The following BMPR2 variants were observed in gnomAD, a reference collection of about 807,000 sequenced individuals.
BMPR2 encodes the protein bone morphogenetic protein receptor type 2, also known as bone morphogenetic protein receptor type-2.
BMPR2 carries 29 observed loss-of-function variants against 100.8 expected under a neutral mutation model. The observed-to-expected ratio is 0.29, with a 90% CI of 0.21 to 0.39. BMPR2 has a LOEUF of 0.39. Ranked by LOEUF, BMPR2 falls within the 10% of genes least tolerant of loss-of-function variation. The pLI, the probability that BMPR2 is intolerant of heterozygous loss-of-function variation, is 1.00. For synonymous variants in BMPR2, 382 were observed against 442.3 expected, an observed-to-expected ratio of 0.86 and a Z score of 1.71; for missense variants, 1,011 against 1,274.5, an observed-to-expected ratio of 0.79 and a Z score of 3.15.
intron 9 of BMPR2, among the ~76,000 whole-genome samples, chr2:202,535,895 C>T (rs1385116724): frequency 6.6e-6 from 1 of 152,208 alleles, no homozygotes. Context: ...CCGGCCTGGC[C>T]AACACAGCGA....
chr2:202,501,648 TC>T (rs1275253917), intron 3 of BMPR2, among the ~76,000 whole-genome samples: 5 of 152,146 alleles, frequency 3.3e-5, no homozygotes, highest in Non-Finnish European at 4.4e-5. Context: ...TCAGAGGCTA[TC>T]AAAATAATAC....
At chr2:202,556,671 G>C in intron 12 of BMPR2, 140 bp downstream of exon 12, 1 of 1,124,332 alleles carries the variant, frequency 8.9e-7, no homozygotes. Context: ...TTGAGGCGGG[G>C]CACAGTGGCT....
rs1387358420 is a variant in BMPR2 at position 202,447,581 on chromosome 2, G to A, written c.77-17228G>A. ...CTATAGTCCAGCTACTCGGGAGGCT[G>A]AGCTGGGAGGATCCCTTGAGCCCAT... is the stretch of plus-strand genomic sequence containing the variant. On this transcript the variant is annotated intron_variant, in intron 1 of 12. Transcript: ENST00000374580. Among the ~76,000 whole-genome samples, 7 of 150,480 alleles carry A rather than the reference G, an allele frequency of 4.7e-5. 1 individual carries two copies. The highest frequency in any genetic ancestry group is 1.8e-4 in the African/African-American group (7 of 39,778).
chr2:202,442,627 A>G (rs796349346), intron 1 of BMPR2, among the ~76,000 whole-genome samples: 1 of 150,334 alleles, frequency 6.7e-6, no homozygotes, highest in African/African-American at 2.5e-5. Flanking sequence ...CCTGGCAACA[A>G]ACCACCATTT....
At chr2:202,435,374 T>TAC (rs1202870642) in intron 1 of BMPR2, among the ~76,000 whole-genome samples, 6 of 69,768 alleles carry the variant, frequency 8.6e-5, no homozygotes, top group Non-Finnish European at 1.6e-4. Context: ...AAAAAAAAAA[T>TAC]ACATATATAT....
chr2:202,390,938 C>G (rs1418782301), intron 1 of BMPR2, among the ~76,000 whole-genome samples: 1 of 142,676 alleles, frequency 7.0e-6, no homozygotes, highest in Non-Finnish European at 1.5e-5. Flanking sequence ...AGGAAAGCCT[C>G]TACCTTATGT....
At chr2:202,496,726 A>C (rs929806757) in intron 3 of BMPR2, among the ~76,000 whole-genome samples, 1 of 152,170 alleles carries the variant, frequency 6.6e-6, no homozygotes, top group African/African-American at 2.4e-5. Context: ...GTTCAGAACT[A>C]CTGAGAGGTG....
chr2:202,483,519 C>T (rs1692705361), intron 3 of BMPR2, among the ~76,000 whole-genome samples: 1 of 152,024 alleles, frequency 6.6e-6, no homozygotes, highest in African/African-American at 2.4e-5. Context: ...CTGCCTCAGC[C>T]TCCCAAGTAG....
At chr2:202,460,563 A>G (rs1692206304) in intron 1 of BMPR2, among the ~76,000 whole-genome samples, 1 of 152,202 alleles carries the variant, frequency 6.6e-6, no homozygotes, top group Admixed American at 6.5e-5. Flanking sequence ...GGAAGTAAAG[A>G]ACAGACATTG....
At chr2:202,432,870 CGTT>C (rs1482324676) in intron 1 of BMPR2, among the ~76,000 whole-genome samples, 1 of 150,352 alleles carries the variant, frequency 6.7e-6, no homozygotes, top group Non-Finnish European at 1.5e-5. Context: ...GTTTTGTTGT[CGTT>C]GTTGTTAACT....
intron 3 of BMPR2, among the ~76,000 whole-genome samples, chr2:202,500,768 C>A (rs990189127): frequency 6.6e-6 from 1 of 152,134 alleles, no homozygotes; most frequent in Non-Finnish European, 1.5e-5. Flanking sequence ...TCCAGTTGTA[C>A]CCAACCCCTA....
chr2:202,400,801 C>A (rs1690756067), intron 1 of BMPR2, among the ~76,000 whole-genome samples: 1 of 152,142 alleles, frequency 6.6e-6, no homozygotes, highest in Non-Finnish European at 1.5e-5. Flanking sequence ...AATTTAGCTA[C>A]TAATTGTGAA....
At position 202,438,313 on chromosome 2, in the gene BMPR2, CAAAT is replaced by C. The variant is rs554878848; in HGVS notation, c.77-26472_77-26469del. The stretch of plus-strand genomic sequence containing the variant: ...GGGCAACAAGAGCGAAACTCCGTCT[CAAAT>C]AAATAAATAAATAAATAAATAAAAG... On this transcript the variant is annotated intron_variant, in intron 1 of 12. Transcript: ENST00000374580. Among the ~76,000 whole-genome samples the C allele has an allele frequency of 2.0e-4, 30 of 150,204 alleles. No individual in the cohort carries two copies. In the Middle Eastern group the frequency reaches 0.014, roughly 68 times the overall value.
chr2:202,454,329 C>T (rs1214112365), intron 1 of BMPR2, among the ~76,000 whole-genome samples: 1 of 152,118 alleles, frequency 6.6e-6, no homozygotes. Context: ...CCTTGGCCTC[C>T]CAAAGTGCTG....
chr2:202,473,486 A>G (rs1035866900), intron 3 of BMPR2, among the ~76,000 whole-genome samples: 3 of 152,210 alleles, frequency 2.0e-5, no homozygotes, highest in Non-Finnish European at 4.4e-5. Flanking sequence ...TAACAAAAAC[A>G]CATTTTAAAA....
rs375624016 is a variant in BMPR2 at position 202,376,511 on chromosome 2, A to AGGCGGCGGC, written c.-936_-928dup. Among the ~76,000 whole-genome samples the AGGCGGCGGC allele has an allele frequency of 0.074, 9,256 of 125,786 alleles. 457 individuals are homozygous for AGGCGGCGGC. The highest frequency in any genetic ancestry group is 0.094 in the Non-Finnish European group (5,557 of 58,880). The allele number at this position is 125,786 out of a possible 152,430, so 82.5% of individuals were successfully genotyped here. ...AGGAGCCCAGAGCTGCGGGAGAACG[A>AGGCGGCGGC]GGCGGCGGCGGCGGCGGCGGCGGCG... is the stretch of plus-strand genomic sequence containing the variant. On this transcript the variant is annotated 5_prime_UTR_variant, in exon 1 of 13. Transcript: ENST00000374580.
At chr2:202,500,078 C>T (rs1687347928) in intron 3 of BMPR2, among the ~76,000 whole-genome samples, 1 of 152,184 alleles carries the variant, frequency 6.6e-6, no homozygotes, top group Non-Finnish European at 1.5e-5. Context: ...CCAGATGATC[C>T]AACAACAGGA....
intron 2 of BMPR2, among the ~76,000 whole-genome samples, chr2:202,465,945 A>G (rs1241329698): frequency 6.6e-6 from 1 of 152,252 alleles, no homozygotes; most frequent in Admixed American, 6.5e-5. Context: ...TCTTTAAAGA[A>G]TCTCTGAAAA....
intron 1 of BMPR2, among the ~76,000 whole-genome samples, chr2:202,387,234 T>G (rs1690447437): frequency 1.3e-5 from 2 of 152,226 alleles, no homozygotes; most frequent in African/African-American, 4.8e-5. Context: ...CTATCTAATT[T>G]GACAGTGGCT....
Sources: allele counts gnomAD v4.1 joint callset (sites outside exome capture counted in the v4.1 genomes callset), GRCh38; gene constraint gnomAD v4.1.1; transcripts MANE v1.5; gene names NCBI Gene and HGNC (gene_info 2026-07-23, HGNC 2026-07-21).